The following RPSA2 variants were observed in gnomAD, a reference collection of about 807,000 sequenced individuals.
RPSA2 encodes the protein small ribosomal subunit protein uS2B.
At chr19:23,827,602 G>C in the RPSA2 span, 5 of 1,591,310 alleles carry the variant, frequency 3.1e-6, no homozygotes, top group African/African-American at 1.3e-5. Context: ...CCATTGCGCT[G>C]TGTAACACAG....
At chr19:23,801,060 A>G in the RPSA2 span, among the ~76,000 whole-genome samples, 1 of 152,202 alleles carries the variant, frequency 6.6e-6, no homozygotes, top group Non-Finnish European at 1.5e-5. Context: ...ACATGGAGAC[A>G]TGAGAATCTC....
chr19:23,834,639 A>G, the RPSA2 span, among the ~76,000 whole-genome samples: 5 of 152,174 alleles, frequency 3.3e-5, no homozygotes, highest in South Asian at 2.1e-4. Flanking sequence ...ATGGAATACT[A>G]TACAGCATAT....
the RPSA2 span, among the ~76,000 whole-genome samples, chr19:23,831,210 G>T: frequency 1.3e-5 from 2 of 151,950 alleles, no homozygotes; most frequent in South Asian, 2.1e-4. Context: ...GTCAGAAAAG[G>T]TCCCTAAAAG....
chr19:23,858,133 T>A, the RPSA2 span, among the ~76,000 whole-genome samples: 1 of 151,692 alleles, frequency 6.6e-6, no homozygotes, highest in East Asian at 2.0e-4. Flanking sequence ...CATGTTTTAC[T>A]GGTTTAGGAA....
chr19:23,832,672 AT>A, the RPSA2 span: 2 of 1,483,454 alleles, frequency 1.3e-6, no homozygotes, highest in African/African-American at 2.8e-5. Flanking sequence ...TCTATGGTTC[AT>A]TACCCTAACT....
the RPSA2 span, among the ~76,000 whole-genome samples, chr19:23,850,010 G>T: frequency 6.6e-6 from 1 of 152,122 alleles, no homozygotes; most frequent in South Asian, 2.1e-4. Context: ...AAGCAGCCCA[G>T]ACTTGAGTTT....
At chr19:23,790,816 G>T in the RPSA2 span, 1 of 540,366 alleles carries the variant, frequency 1.9e-6, no homozygotes, top group Non-Finnish European at 3.4e-6. Flanking sequence ...GGCAAGGGCT[G>T]GTTGGAACTG....
At chr19:23,863,349 A>G in the RPSA2 span, among the ~76,000 whole-genome samples, 1 of 152,166 alleles carries the variant, frequency 6.6e-6, no homozygotes, top group Admixed American at 6.5e-5. Flanking sequence ...GGATCACCTA[A>G]GGTCAAGAGT....
chr19:23,781,341 T>C, the RPSA2 span, among the ~76,000 whole-genome samples: 1 of 151,704 alleles, frequency 6.6e-6, no homozygotes, highest in African/African-American at 2.4e-5. Context: ...GGAGAATAAT[T>C]TATTTATTTA....
the RPSA2 span, among the ~76,000 whole-genome samples, chr19:23,837,888 T>A: frequency 6.6e-6 from 1 of 152,302 alleles, no homozygotes; most frequent in African/African-American, 2.4e-5. Context: ...AATCATGTCA[T>A]CAGCAAACAG....
chr19:23,861,231 G>A, the RPSA2 span, among the ~76,000 whole-genome samples: 4 of 152,104 alleles, frequency 2.6e-5, no homozygotes, highest in Non-Finnish European at 4.4e-5. Context: ...TGTCCTCAAG[G>A]CATTGGCCCT....
the RPSA2 span, among the ~76,000 whole-genome samples, chr19:23,868,094 C>A: frequency 6.6e-6 from 1 of 152,198 alleles, no homozygotes; most frequent in South Asian, 2.1e-4. Flanking sequence ...GCGACTGCTG[C>A]ATGACTTGAG....
the RPSA2 span, chr19:23,828,128 A>AAG: frequency 2.8e-4 from 193 of 692,632 alleles, 1 homozygote; most frequent in African/African-American, 3.2e-3. Context: ...AAAAAAAAAA[A>AAG]AAAAAAATGC....
chr19:23,869,233 G>A, the RPSA2 span, among the ~76,000 whole-genome samples: 166 of 152,240 alleles, frequency 1.1e-3, no homozygotes, highest in Admixed American at 2.7e-3. Context: ...GAACAATGTC[G>A]TCAATTATAC....
the RPSA2 span, among the ~76,000 whole-genome samples, chr19:23,793,127 A>G: frequency 6.6e-6 from 1 of 152,162 alleles, no homozygotes; most frequent in Non-Finnish European, 1.5e-5. Context: ...GTGAGTAAAA[A>G]GAAAAAGTAC....
chr19:23,866,541 C>T, the RPSA2 span, among the ~76,000 whole-genome samples: 1 of 144,658 alleles, frequency 6.9e-6, no homozygotes, highest in Non-Finnish European at 1.5e-5. Flanking sequence ...GAAATAATGC[C>T]AGGACTCTGT....
the RPSA2 span, chr19:23,758,708 C>G: frequency 3.7e-6 from 6 of 1,614,176 alleles, no homozygotes; most frequent in Admixed American, 1.7e-5. Context: ...CGCCACAGCC[C>G]CTTCCCCTCT....
chr19:23,824,208 G>A, the RPSA2 span, among the ~76,000 whole-genome samples: 1 of 152,218 alleles, frequency 6.6e-6, no homozygotes, highest in Non-Finnish European at 1.5e-5. Context: ...CCTTGCAGCT[G>A]CATTGGGAGG....
chr19:23,818,322 G>T, the RPSA2 span: 1 of 152,238 alleles, frequency 6.6e-6, no homozygotes. Flanking sequence ...TTTAAATTCT[G>T]CAAGGGATGA....
Sources: allele counts gnomAD v4.1 joint callset (sites outside exome capture counted in the v4.1 genomes callset), GRCh38; gene constraint gnomAD v4.1.1; transcripts MANE v1.5; gene names NCBI Gene and HGNC (gene_info 2026-07-23, HGNC 2026-07-21).